Variants in PSMG4 observed in about 807,000 individuals in gnomAD.
PSMG4 encodes proteasome (prosome, macropain) assembly chaperone 4.
A neutral mutation model predicts 11.0 loss-of-function variants in PSMG4; 10 were observed. The observed-to-expected ratio is 0.91, with a 90% CI of 0.56 to 1.54. The LOEUF is 1.54. PSMG4 is among the 40% of genes most tolerant of loss of function. The pLI is 0.00. For missense variants in PSMG4, 198 were observed against 160.9 expected (o/e 1.23, Z -1.25); for synonymous variants, 95 against 71.3 (o/e 1.33, Z -1.68).
At position 3,259,116 on chromosome 6, in the gene PSMG4, C is replaced by CA. The variant is rs763712904; in HGVS notation, c.94_95insA (p.Arg32GlnfsTer65). 1 of 1,280,848 alleles carries CA rather than the reference C, an allele frequency of 7.8e-7. No homozygotes were observed. The highest frequency in any genetic ancestry group is 9.9e-7 in the Non-Finnish European group (1 of 1,012,304). 79.3% of individuals were successfully genotyped at this position (1,280,848 alleles called of 1,614,324 possible). ...GCAGCTGGTCCACTTCCACGTCATG[C>CA]GGCTGACGGACTCGCTGTTCCTGTG... On this transcript the variant is annotated frameshift_variant, in exon 1 of 3. Transcript: ENST00000438998. LOFTEE classifies it high-confidence loss of function.
At chr6:3,263,808 CTT>C (rs1281181280) in intron 2 of PSMG4, 49 bp downstream of exon 2, 3 of 1,530,806 alleles carry the variant, frequency 2.0e-6, no homozygotes, top group Non-Finnish European at 2.6e-6. Context: ...GGGGCCCACT[CTT>C]TAATGGAACC....
chr6:3,257,958 C>T (rs574718171), upstream of PSMG4, among the ~76,000 whole-genome samples: 2 of 152,302 alleles, frequency 1.3e-5, no homozygotes, highest in South Asian at 4.1e-4. Context: ...GGAAAATGCC[C>T]TCTTAAATTT....
chr6:3,257,291 G>A (rs1757797016), upstream of PSMG4, among the ~76,000 whole-genome samples: 1 of 152,172 alleles, frequency 6.6e-6, no homozygotes, highest in African/African-American at 2.4e-5. Context: ...GGGCATGACT[G>A]GCTGTGACCC....
chr6:3,259,248 G>T, intron 1 of PSMG4, 52 bp downstream of exon 1: 1 of 1,236,162 alleles, frequency 8.1e-7, no homozygotes, highest in East Asian at 3.2e-5. Context: ...GCGCGGGGGC[G>T]CCGGGCCTGC....
At chr6:3,255,231 T>A, upstream of PSMG4, 2 of 1,549,590 alleles carry the variant, frequency 1.3e-6, no homozygotes, top group African/African-American at 1.4e-5. Flanking sequence ...TCAACTCTGG[T>A]AAGCCTTCCA....
intron 1 of PSMG4, among the ~76,000 whole-genome samples, chr6:3,263,083 G>A (rs1421204888): frequency 6.6e-6 from 1 of 152,186 alleles, no homozygotes; most frequent in African/African-American, 2.4e-5. Flanking sequence ...TCACCTTACT[G>A]CTTCTTGTCT....
rs1485029066 is a variant in PSMG4 at position 3,267,799 on chromosome 6, G to A, written c.*87G>A. 1.5e-5 allele frequency: 20 copies of A among 1,378,216 alleles called. No homozygotes were observed. Among genetic ancestry groups the A allele is most frequent in the African/African-American group, 4.3e-5 (3 of 69,072 alleles). The allele number at this position is 1,378,216 out of a possible 1,614,324, so 85.4% of individuals were successfully genotyped here. The stretch of plus-strand genomic sequence containing the variant: ...GAATTTCAGTTTGTCATCAGGCCGC[G>A]CTCCCGTTTTGTTTTTAAGGGGTTA... On this transcript the variant is annotated 3_prime_UTR_variant, in exon 3 of 3. Coordinates refer to ENST00000438998, the MANE Select transcript of PSMG4 (RefSeq NM_001128591.2).
At position 3,263,756 on chromosome 6, in the gene PSMG4, C is replaced by G. The variant is rs1448738103; in HGVS notation, c.247C>G (p.Leu83Val). Reference protein sequence around the residue: ...DTTSTGLAQRLARKTNKQVFV... With the variant: ...DTTSTGLAQRVARKTNKQVFV... ...GACCTCTACTGGCCTTGCCCAGCGC[C>G]TAGGTATGTACCCACAGCTGGCGCT... The change falls in exon 2 of 3, where the codon CTA becomes GTA. Residue 83 changes from leucine to valine, a missense_variant. By Grantham distance (32) the Leu-to-Val change is conservative. Transcript: ENST00000438998. 1.3e-6 allele frequency: 2 copies of G among 1,551,332 alleles called. No homozygotes were observed. Among genetic ancestry groups the G allele is most frequent in the African/African-American group, 2.7e-5 (2 of 73,056 alleles).
rs1355068038 is a variant in PSMG4, at chr6:3,267,579, T to G, written c.251-12T>G. The G allele has an allele frequency of 6.4e-7, 1 of 1,550,850 alleles. No homozygotes were observed. Among genetic ancestry groups the G allele is most frequent in the Non-Finnish European group, 8.7e-7 (1 of 1,146,548 alleles). ...TCAGGAGTGGCTGTATCAATGTGTT[T>G]TCTCTTTTTAGCCAGGAAGACCAAC... On this transcript the variant is annotated splice_polypyrimidine_tract_variant and intron_variant, in intron 2 of 2. Coordinates refer to ENST00000438998, the MANE Select transcript of PSMG4 (RefSeq NM_001128591.2).
chr6:3,254,874 G>T (rs191597114), upstream of PSMG4, among the ~76,000 whole-genome samples: 1 of 152,070 alleles, frequency 6.6e-6, no homozygotes, highest in Admixed American at 6.5e-5. Flanking sequence ...TGAGATGCTG[G>T]AGGGTGACTC....
At chr6:3,261,086 C>T (rs1757973579) in intron 1 of PSMG4, among the ~76,000 whole-genome samples, 1 of 152,172 alleles carries the variant, frequency 6.6e-6, no homozygotes, top group African/African-American at 2.4e-5. Context: ...TCAGCGAGAC[C>T]CTTCTGAAGC....
At chr6:3,256,224 A>G (rs933909656), upstream of PSMG4, among the ~76,000 whole-genome samples, 1 of 152,308 alleles carries the variant, frequency 6.6e-6, no homozygotes, top group African/African-American at 2.4e-5. Context: ...CCACTATGAT[A>G]GCTCCTACCC....
upstream of PSMG4, among the ~76,000 whole-genome samples, chr6:3,256,336 G>A (rs990269971): frequency 6.6e-6 from 1 of 152,230 alleles, no homozygotes; most frequent in African/African-American, 2.4e-5. Flanking sequence ...TGGGTCCACA[G>A]ACCCAGTGGA....
chr6:3,266,895 G>T (rs1242750726), intron 2 of PSMG4: 1 of 150,400 alleles, frequency 6.6e-6, no homozygotes, highest in South Asian at 2.1e-4. Flanking sequence ...TTGCTCTATT[G>T]CCCAGGCTGG....
At chr6:3,264,086 C>T (rs1758094482) in intron 2 of PSMG4, 2 of 1,481,114 alleles carry the variant, frequency 1.4e-6, no homozygotes, top group Non-Finnish European at 1.8e-6. Flanking sequence ...GAAGTGCCCA[C>T]AGCCCCTGTG....
At chr6:3,255,086 G>T (rs755187042), upstream of PSMG4, 1 of 1,550,834 alleles carries the variant, frequency 6.4e-7, no homozygotes, top group South Asian at 1.2e-5. Flanking sequence ...CTATTCCTAA[G>T]AAGTTGGCTG....
chr6:3,259,657 C>G (rs939867911), intron 1 of PSMG4, among the ~76,000 whole-genome samples: 5 of 152,242 alleles, frequency 3.3e-5, no homozygotes, highest in Non-Finnish European at 5.9e-5. Context: ...GCTGTGATGG[C>G]AGCTCCATCT....
At chr6:3,258,946 C>G, upstream of PSMG4, 3 of 1,206,720 alleles carry the variant, frequency 2.5e-6, no homozygotes, top group Non-Finnish European at 3.1e-6. Flanking sequence ...TCTCGGTGCT[C>G]GCTCCATCGG....
intron 2 of PSMG4, chr6:3,263,989 C>G: frequency 7.6e-7 from 1 of 1,314,672 alleles, no homozygotes; most frequent in South Asian, 1.5e-5. Flanking sequence ...AGGACTCCCA[C>G]CTCGTCCTTG....
Sources: allele counts gnomAD v4.1 joint callset (sites outside exome capture counted in the v4.1 genomes callset), GRCh38; gene constraint gnomAD v4.1.1; transcripts MANE v1.5; gene names NCBI Gene and HGNC (gene_info 2026-07-23, HGNC 2026-07-21).